Variants in MAEA observed in about 807,000 individuals in gnomAD.
MAEA encodes E3 ubiquitin-protein transferase MAEA.
A neutral mutation model predicts 46.2 loss-of-function variants in MAEA; 22 were observed. The observed-to-expected ratio is 0.48, with a 90% CI of 0.34 to 0.68. MAEA has a LOEUF of 0.68. Among genes scored for constraint, MAEA ranks in the 30% least tolerant of loss-of-function variants. The pLI is 0.01. For synonymous variants in MAEA, 246 were observed against 222.6 expected (o/e 1.11, Z -0.94); for missense variants, 393 against 558.1 (o/e 0.70, Z 2.98).
intron 1 of MAEA, among the ~76,000 whole-genome samples, chr4:1,292,138 G>T (rs564363108): frequency 7.2e-5 from 11 of 152,210 alleles, no homozygotes; most frequent in Admixed American, 1.3e-4. Flanking sequence ...TGTGGAAGGT[G>T]GGGGGTGGAT....
intron 1 of MAEA, among the ~76,000 whole-genome samples, chr4:1,302,010 C>G (rs1325555799): frequency 2.0e-5 from 3 of 152,224 alleles, no homozygotes; most frequent in Admixed American, 2.0e-4. Context: ...GCCAGTATAA[C>G]TTTGATATAA....
chr4:1,334,014 AC>A (rs1296294746), intron 6 of MAEA, among the ~76,000 whole-genome samples: 1 of 22,908 alleles, frequency 4.4e-5, no homozygotes, highest in Non-Finnish European at 8.3e-5. Flanking sequence ...TACCGTGCTC[AC>A]CCCCATGCCC....
chr4:1,339,633 G>A lies in MAEA; in HGVS notation c.*464G>A, dbSNP rs991920446. Reference sequence around the variant, plus strand: ...GCACCGGACTGACCTGCAGTGACCCGCGATGCCGCGCCACGAGGGACACTT... The same window carrying A: ...GCACCGGACTGACCTGCAGTGACCCACGATGCCGCGCCACGAGGGACACTT... On this transcript the variant is annotated 3_prime_UTR_variant, in exon 9 of 9. Coordinates refer to ENST00000303400, the MANE Select transcript of MAEA (RefSeq NM_001017405.3). The A allele has an allele frequency of 6.2e-5, 10 of 160,436 alleles. No individual in the cohort carries two copies. Among genetic ancestry groups the A allele is most frequent in the African/African-American group, 1.7e-4 (7 of 41,572 alleles). The allele number at this position is 160,436 out of a possible 1,614,324, so 9.9% of individuals were successfully genotyped here. A position where few individuals can be genotyped will look rare whatever the true frequency, so the allele number is the denominator to read the frequency against.
rs1173685938 is a variant in MAEA, at chr4:1,327,805, G to A, written c.656+102G>A. On this transcript the variant is annotated intron_variant, in intron 5 of 8. Coordinates refer to ENST00000303400, the MANE Select transcript of MAEA (RefSeq NM_001017405.3). The stretch of plus-strand genomic sequence containing the variant: ...TGGTCTGGGTCCTGGGACGTCCCCT[G>A]GGTCGTCCCCTGGGTCTTGAGTCTG... 3.1e-5 allele frequency: 30 copies of A among 964,572 alleles called. 1 individual carries two copies. In the Admixed American group the frequency reaches 6.2e-4, roughly 20 times the overall value. The allele number at this position is 964,572 out of a possible 1,614,324, so 59.8% of individuals were successfully genotyped here.
At position 1,338,630 on chromosome 4, in the gene MAEA, G is replaced by A; in HGVS notation, c.1095+13G>A. ...CTACGGCTACAATGTGAGGGGGGCA[G>A]GGCAGGGGGGCCAGGCTGGCACGCA... On this transcript the variant is annotated intron_variant, in intron 8 of 8. Coordinates refer to ENST00000303400, the MANE Select transcript of MAEA (RefSeq NM_001017405.3). 1 of 1,588,756 alleles carries A rather than the reference G, an allele frequency of 6.3e-7. No homozygotes were observed. Among genetic ancestry groups the A allele is most frequent in the Non-Finnish European group, 8.6e-7 (1 of 1,167,928 alleles).
At chr4:1,293,871 G>T (rs1204721624) in intron 1 of MAEA, among the ~76,000 whole-genome samples, 1 of 152,258 alleles carries the variant, frequency 6.6e-6, no homozygotes, top group East Asian at 1.9e-4. Flanking sequence ...CTGTGGTAGG[G>T]AGTTCGGGTG....
At position 1,318,602 on chromosome 4, in the gene MAEA, G is replaced by T. The variant is rs566704181; in HGVS notation, c.456+3002G>T. Among the ~76,000 whole-genome samples, 12 of 152,318 alleles carry T rather than the reference G, an allele frequency of 7.9e-5. No homozygotes were observed. In the South Asian group the frequency reaches 1.2e-3, roughly 16 times the overall value. On this transcript the variant is annotated intron_variant, in intron 3 of 8. Coordinates refer to ENST00000303400, the MANE Select transcript of MAEA (RefSeq NM_001017405.3). ...GGGGAGGGGTTCTTTCTGCTGAGAT[G>T]CTCCGGAGGGCGTTGAGCTGAGGAA... is the stretch of plus-strand genomic sequence containing the variant.
chr4:1,332,880 C>T lies in MAEA; in HGVS notation c.765+15C>T, dbSNP rs1188930666. Reference sequence around the variant, plus strand: ...CCCCGTACAAGGTAGGGCGTGCGTCCCTGGGGTCGGTGTCATGCTGGGGTG... The same window carrying T: ...CCCCGTACAAGGTAGGGCGTGCGTCTCTGGGGTCGGTGTCATGCTGGGGTG... On this transcript the variant is annotated intron_variant, in intron 6 of 8. Transcript: ENST00000303400. 1.3e-6 allele frequency: 2 copies of T among 1,589,504 alleles called. No homozygotes were observed. The highest frequency in any genetic ancestry group is 1.1e-5 in the South Asian group (1 of 89,352).
At chr4:1,332,522 C>G (rs1711971589) in intron 5 of MAEA, 2 of 382,572 alleles carry the variant, frequency 5.2e-6, no homozygotes, top group African/African-American at 4.2e-5. Flanking sequence ...GGAGACCAGC[C>G]TGGGCAACAC....
intron 5 of MAEA, chr4:1,329,693 G>A (rs1164196332): frequency 3.0e-6 from 3 of 985,688 alleles, no homozygotes; most frequent in Non-Finnish European, 3.6e-6. Context: ...GCACACGGGA[G>A]CTGGGCTGGG....
intron 2 of MAEA, among the ~76,000 whole-genome samples, chr4:1,313,623 A>C (rs1290753570): frequency 6.6e-6 from 1 of 152,172 alleles, no homozygotes; most frequent in Non-Finnish European, 1.5e-5. Flanking sequence ...GATACTCAGG[A>C]GGCTGAGGCA....
chr4:1,303,701 G>A (rs938259365), intron 1 of MAEA, among the ~76,000 whole-genome samples: 3 of 152,124 alleles, frequency 2.0e-5, no homozygotes, highest in Non-Finnish European at 4.4e-5. Flanking sequence ...TAGAAGTAGA[G>A]TGGTTTGTAC....
intron 1 of MAEA, among the ~76,000 whole-genome samples, chr4:1,294,541 C>T (rs1050814644): frequency 6.7e-6 from 1 of 148,836 alleles, no homozygotes; most frequent in Non-Finnish European, 1.5e-5. Flanking sequence ...GCACCGCCGC[C>T]GGGCTGCAGA....
At chr4:1,300,724 G>C (rs574531561) in intron 1 of MAEA, among the ~76,000 whole-genome samples, 6 of 152,380 alleles carry the variant, frequency 3.9e-5, no homozygotes, top group Admixed American at 3.9e-4. Flanking sequence ...GCCTAACTGG[G>C]CGTGCACACA....
intron 3 of MAEA, 137 bp downstream of exon 3, chr4:1,315,737 T>C (rs1284916215): frequency 1.9e-6 from 1 of 515,374 alleles, no homozygotes; most frequent in Non-Finnish European, 3.3e-6. Flanking sequence ...TATGCTTGTG[T>C]TCCCCTCCCC....
intron 5 of MAEA, 66 bp from the exon 6 acceptor site, chr4:1,332,691 G>A: frequency 4.0e-6 from 5 of 1,262,590 alleles, no homozygotes; most frequent in Non-Finnish European, 5.7e-6. Context: ...GTGACAGAGT[G>A]AAACCCTGTC....
At chr4:1,306,226 C>G (rs934635422) in intron 1 of MAEA, among the ~76,000 whole-genome samples, 2 of 152,364 alleles carry the variant, frequency 1.3e-5, no homozygotes, top group East Asian at 1.9e-4. Context: ...AATTCACCAT[C>G]GCGCTTTCCG....
At chr4:1,318,827 T>C (rs551575324) in intron 3 of MAEA, among the ~76,000 whole-genome samples, 2 of 152,072 alleles carry the variant, frequency 1.3e-5, no homozygotes, top group Non-Finnish European at 2.9e-5. Flanking sequence ...TGCACCAAAA[T>C]TGGAGACGTG....
intron 6 of MAEA, 32 bp downstream of exon 6, chr4:1,332,897 G>A (rs1560386329): frequency 6.5e-7 from 1 of 1,534,922 alleles, no homozygotes; most frequent in Non-Finnish European, 8.9e-7. Flanking sequence ...TCGGTGTCAT[G>A]CTGGGGTGGG....
Sources: allele counts gnomAD v4.1 joint callset (sites outside exome capture counted in the v4.1 genomes callset), GRCh38; gene constraint gnomAD v4.1.1; transcripts MANE v1.5; gene names NCBI Gene and HGNC (gene_info 2026-07-23, HGNC 2026-07-21).